STPG1: variants seen among roughly 807,000 people sequenced by gnomAD.
The protein encoded by STPG1 is sperm tail PG-rich repeat containing 1.
Under a neutral mutation model 40.1 loss-of-function variants are expected in STPG1, and 33 were observed. The ratio of observed to expected loss-of-function variants is 0.82; its 90% confidence interval spans 0.62 to 1.10. STPG1 has a LOEUF of 1.10. Ranked by LOEUF, STPG1 falls within the 50% of genes least tolerant of loss-of-function variation. The pLI, the probability that STPG1 is intolerant of heterozygous loss-of-function variation, is 0.00. For missense variants in STPG1, 396 were observed against 415.1 expected (o/e 0.95, Z 0.40); for synonymous variants, 150 against 155.0 (o/e 0.97, Z 0.24).
chr1:24,378,952 C>CCAAT (rs1333485005), intron 5 of STPG1, among the ~76,000 whole-genome samples: 1 of 152,154 alleles, frequency 6.6e-6, no homozygotes, highest in Non-Finnish European at 1.5e-5. Flanking sequence ...GACAGCCCTA[C>CCAAT]CAATCTCCAT....
chr1:24,391,136 C>A (rs1642753710), intron 3 of STPG1: 1 of 153,312 alleles, frequency 6.5e-6, no homozygotes. Flanking sequence ...AAAGGTAATT[C>A]TAGATGTATT....
chr1:24,378,962 T>C (rs900407421), intron 5 of STPG1, among the ~76,000 whole-genome samples: 1 of 152,314 alleles, frequency 6.6e-6, no homozygotes, highest in South Asian at 2.1e-4. Context: ...CCAATCTCCA[T>C]GTATTGTGTG....
chr1:24,403,291 C>T (rs1643295329), intron 1 of STPG1, among the ~76,000 whole-genome samples: 1 of 152,176 alleles, frequency 6.6e-6, no homozygotes, highest in South Asian at 2.1e-4. Flanking sequence ...TTTAGATATA[C>T]ATAGTGCTAT....
chr1:24,360,745 A>T (rs1641049276), intron 8 of STPG1, 106 bp downstream of exon 8: 1 of 1,006,830 alleles, frequency 9.9e-7, no homozygotes. Context: ...CATCCCTGTA[A>T]CCTATTTGGG....
chr1:24,413,335 C>T (rs1643821194), intron 1 of STPG1, among the ~76,000 whole-genome samples: 1 of 152,242 alleles, frequency 6.6e-6, no homozygotes, highest in South Asian at 2.1e-4. Context: ...TGGCGTCCAC[C>T]CACTGCCAGG....
chr1:24,393,113 G>A (rs767520618), intron 2 of STPG1, among the ~76,000 whole-genome samples: 5 of 152,190 alleles, frequency 3.3e-5, no homozygotes, highest in Admixed American at 2.0e-4. Flanking sequence ...GCACTTAAGC[G>A]GAACAGGTAG....
chr1:24,406,153 G>C (rs1013532637), intron 1 of STPG1, among the ~76,000 whole-genome samples: 1 of 151,832 alleles, frequency 6.6e-6, no homozygotes, highest in African/African-American at 2.4e-5. Context: ...GATCTTTTGA[G>C]AGTAAGTGCA....
In STPG1 at chr1:24,358,193, T is replaced by A; in HGVS notation, c.*350A>T. ...ACCTTCAGGGTGGACTGATCCTCCT[T>A]GAAGTCTGCGCTTCAGGAGTCCCTT... On this transcript the variant is annotated 3_prime_UTR_variant, in exon 9 of 9. Coordinates refer to ENST00000337248, the MANE Select transcript of STPG1 (RefSeq NM_001199013.2). 1 of 527,370 alleles carries A rather than the reference T, an allele frequency of 1.9e-6. No homozygotes were observed. The highest frequency in any genetic ancestry group is 3.7e-6 in the Non-Finnish European group (1 of 273,820). 32.7% of individuals were successfully genotyped at this position (527,370 alleles called of 1,614,324 possible).
intron 2 of STPG1, 121 bp from the exon 3 acceptor site, chr1:24,391,800 T>C (rs1311496504): frequency 2.0e-5 from 24 of 1,226,930 alleles, no homozygotes; most frequent in Non-Finnish European, 2.3e-5. Context: ...AACTTGCCTT[T>C]TGACAGGAAA....
intron 1 of STPG1, among the ~76,000 whole-genome samples, chr1:24,412,964 C>G (rs543298630): frequency 2.6e-5 from 4 of 152,222 alleles, no homozygotes; most frequent in African/African-American, 9.6e-5. Flanking sequence ...ATACATGTTA[C>G]TGTACAGGGT....
At chr1:24,385,981 C>T (rs1274139551) in intron 3 of STPG1, among the ~76,000 whole-genome samples, 2 of 152,164 alleles carry the variant, frequency 1.3e-5, no homozygotes, top group Non-Finnish European at 2.9e-5. Context: ...CTCTAGCTCC[C>T]GGTTATCACC....
rs767190640 is a variant in STPG1 at position 24,373,683 on chromosome 1, G to C, written c.571+19C>G. ...ACACTTAACCCTTAGGTCAAGGCCA[G>C]TGCAAAGCAGCTGCTTACCTGGGGG... On this transcript the variant is annotated intron_variant, in intron 6 of 8. Transcript: ENST00000337248. 12 of 1,561,546 alleles carry C rather than the reference G, an allele frequency of 7.7e-6. No individual in the cohort carries two copies. Among genetic ancestry groups the C allele is most frequent in the African/African-American group, 1.4e-5 (1 of 73,956 alleles).
intron 2 of STPG1, among the ~76,000 whole-genome samples, chr1:24,398,803 T>C (rs1223061645): frequency 1.3e-5 from 2 of 152,104 alleles, no homozygotes; most frequent in East Asian, 1.9e-4. Flanking sequence ...GACTTCTACA[T>C]AGAAAACTCC....
intron 1 of STPG1, 34 bp from the exon 2 acceptor site, chr1:24,401,490 A>G: frequency 1.1e-6 from 1 of 949,650 alleles, no homozygotes; most frequent in Non-Finnish European, 1.7e-6. Context: ...TGTAGAGATC[A>G]TTTCACATTG....
chr1:24,391,969 A>T (rs1289346266), intron 2 of STPG1: 1 of 1,099,470 alleles, frequency 9.1e-7, no homozygotes, highest in East Asian at 7.2e-5. Flanking sequence ...GATAGTAAAG[A>T]CATTCTTGCC....
chr1:24,379,661 A>T lies in STPG1; in HGVS notation c.454T>A (p.Tyr152Asn). Reference sequence around the variant, plus strand: ...ATAGGCAGAGTTCTTACATTGTAATAGTTTGGTGCAGGAGTTTCAAACTTG... The same window carrying T: ...ATAGGCAGAGTTCTTACATTGTAATTGTTTGGTGCAGGAGTTTCAAACTTG... Reference protein sequence around the residue: ...ALKFETPAPNYYNASVSCCKQ... With the variant: ...ALKFETPAPNNYNASVSCCKQ... Residue 152 changes from tyrosine to asparagine, a missense_variant, in exon 5 of 9, where the codon TAT becomes AAT. Coordinates refer to ENST00000337248, the MANE Select transcript of STPG1 (RefSeq NM_001199013.2). The T allele has an allele frequency of 1.2e-6, 2 of 1,614,194 alleles. No homozygotes were observed. Among genetic ancestry groups the T allele is most frequent in the South Asian group, 2.2e-5 (2 of 91,090 alleles).
chr1:24,396,659 A>G (rs549532220), intron 2 of STPG1, among the ~76,000 whole-genome samples: 13 of 152,346 alleles, frequency 8.5e-5, no homozygotes, highest in African/African-American at 2.9e-4. Flanking sequence ...AAAGTTTGCC[A>G]ACTGTTGCTT....
intron 2 of STPG1, among the ~76,000 whole-genome samples, chr1:24,400,611 A>T (rs894238401): frequency 6.6e-6 from 1 of 152,090 alleles, no homozygotes; most frequent in African/African-American, 2.4e-5. Context: ...AGCAGCAGCG[A>T]CTCTGGAAGC....
chr1:24,414,380 AATT>A (rs2148725246), upstream of STPG1: 1 of 150,928 alleles, frequency 6.6e-6, no homozygotes, highest in African/African-American at 2.4e-5. Flanking sequence ...AAAAAAAAAA[AATT>A]GACATGGGCG....
Sources: allele counts gnomAD v4.1 joint callset (sites outside exome capture counted in the v4.1 genomes callset), GRCh38; gene constraint gnomAD v4.1.1; transcripts MANE v1.5; gene names NCBI Gene and HGNC (gene_info 2026-07-23, HGNC 2026-07-21).